The following ABHD2 variants were observed in gnomAD, a reference collection of about 807,000 sequenced individuals.
ABHD2 encodes the protein abhydrolase domain containing 2, acylglycerol lipase.
ABHD2 carries 20 observed loss-of-function variants against 48.1 expected under a neutral mutation model. That is an observed-to-expected ratio of 0.42 (90% CI 0.29 to 0.60). ABHD2 has a LOEUF of 0.60. Among genes scored for constraint, ABHD2 ranks in the 20% least tolerant of loss-of-function variants. The pLI, the probability that ABHD2 is intolerant of heterozygous loss-of-function variation, is 0.24. For synonymous variants in ABHD2, 209 were observed against 214.2 expected, an observed-to-expected ratio of 0.98 and a Z score of 0.21; for missense variants, 405 against 550.9, an observed-to-expected ratio of 0.74 and a Z score of 2.65.
At chr15:89,084,383 G>A (rs1180343675), upstream of ABHD2, among the ~76,000 whole-genome samples, 5 of 151,982 alleles carry the variant, frequency 3.3e-5, no homozygotes, top group African/African-American at 7.3e-5. The surrounding 1 kb of genome is among the most constrained non-coding windows in gnomAD (Gnocchi z 4.4). Flanking sequence ...CACTGCATCC[G>A]CCGCCTCCTA....
intron 4 of ABHD2, among the ~76,000 whole-genome samples, chr15:89,152,560 GC>G (rs1474671500): frequency 6.6e-6 from 1 of 152,174 alleles, no homozygotes; most frequent in African/African-American, 2.4e-5. Flanking sequence ...GCGCTGTGAG[GC>G]TGGTATTTAC....
At chr15:89,141,165 A>G (rs942970707) in intron 3 of ABHD2, among the ~76,000 whole-genome samples, 4 of 151,620 alleles carry the variant, frequency 2.6e-5, no homozygotes, top group African/African-American at 7.3e-5. Context: ...ATTTTTTGGT[A>G]TAGATGAGGT....
the ABHD2 span, among the ~76,000 whole-genome samples, chr15:89,042,816 TTTTTTTTC>T: frequency 1.3e-5 from 2 of 151,668 alleles, no homozygotes; most frequent in African/African-American, 4.8e-5. Flanking sequence ...CTGGCTAATT[TTTTTTTTC>T]TTTTTTTCTT....
the ABHD2 span, among the ~76,000 whole-genome samples, chr15:89,066,133 T>G: frequency 6.6e-6 from 1 of 152,128 alleles, no homozygotes; most frequent in South Asian, 2.1e-4. Flanking sequence ...TATTTAGGAT[T>G]TTTTCCCTGA....
At chr15:89,127,678 GA>G (rs1426324819) in intron 3 of ABHD2, among the ~76,000 whole-genome samples, 1 of 140,252 alleles carries the variant, frequency 7.1e-6, no homozygotes, top group Non-Finnish European at 1.5e-5. Flanking sequence ...AATAAAGGAA[GA>G]TTCTTCTCAG....
chr15:89,091,911 G>A lies in ABHD2; in HGVS notation c.-107+3348G>A, dbSNP rs908604686. Among the ~76,000 whole-genome samples the A allele has an allele frequency of 2.6e-5, 4 of 152,208 alleles. No homozygotes were observed. The highest frequency in any genetic ancestry group is 5.9e-5 in the Non-Finnish European group (4 of 68,046). On this transcript the variant is annotated intron_variant, in intron 1 of 10. Coordinates refer to ENST00000352732, the MANE Select transcript of ABHD2 (RefSeq NM_152924.5). The surrounding 1 kb of genome is among the most constrained non-coding windows in gnomAD (Gnocchi z 5.5). ...GGAACAGAGCAATGAGAAGTTCAGGGTGCCTCTTAAATGTGTCTGGTGTCA... is the reference window on the plus strand; with the variant it reads ...GGAACAGAGCAATGAGAAGTTCAGGATGCCTCTTAAATGTGTCTGGTGTCA...
chr15:89,078,114 T>C, the ABHD2 span, among the ~76,000 whole-genome samples: 4 of 152,334 alleles, frequency 2.6e-5, no homozygotes, highest in East Asian at 7.7e-4. Flanking sequence ...ACCCCATATT[T>C]AATCTGTGGG....
chr15:89,058,122 A>G, the ABHD2 span, among the ~76,000 whole-genome samples: 1 of 152,204 alleles, frequency 6.6e-6, no homozygotes, highest in Non-Finnish European at 1.5e-5. Flanking sequence ...GCCTTGAGGT[A>G]GATACCTTCA....
chr15:89,074,925 C>T, the ABHD2 span, among the ~76,000 whole-genome samples: 4 of 152,126 alleles, frequency 2.6e-5, no homozygotes, highest in Non-Finnish European at 4.4e-5. Flanking sequence ...TGGCCTACAG[C>T]GGTACCAATT....
rs1567118005 is a variant in ABHD2 at position 89,198,853 on chromosome 15, G to A, written c.*3430G>A. The A allele has an allele frequency of 1.3e-5, 2 of 152,352 alleles. No individual in the cohort carries two copies. Among genetic ancestry groups the A allele is most frequent in the East Asian group, 3.9e-4 (2 of 5,172 alleles). 9.4% of individuals were successfully genotyped at this position (152,352 alleles called of 1,614,324 possible). A position where few individuals can be genotyped will look rare whatever the true frequency, so the allele number is the denominator to read the frequency against. ...GGGGCTTCTGCATTAAGCTTTCCTG[G>A]TGAAGACCCTTGATCTTGTCCAAAG... On this transcript the variant is annotated 3_prime_UTR_variant, in exon 11 of 11. Transcript: ENST00000352732. The surrounding 1 kb of genome is among the most constrained non-coding windows in gnomAD (Gnocchi z 5.1).
chr15:89,151,803 C>T lies in ABHD2; in HGVS notation c.321C>T (p.Ala107=), dbSNP rs1316917850. The part of the protein sequence containing the change: ...HRKFITMSDG[A]TSTFDLFEPL... ...AGTTCATCACTATGTCTGATGGAGC[C>T]ACTTCTACATTCGACCTCTTCGAGC... is the stretch of plus-strand genomic sequence containing the variant. The change falls in exon 4 of 11, where the codon GCC becomes GCT. Residue 107 remains alanine, a synonymous_variant. Transcript: ENST00000352732. The surrounding 1 kb of genome is among the most constrained non-coding windows in gnomAD (Gnocchi z 4.7). 2 of 1,614,080 alleles carry T rather than the reference C, an allele frequency of 1.2e-6. No homozygotes were observed. The highest frequency in any genetic ancestry group is 1.6e-4 in the Middle Eastern group (1 of 6,084).
rs1156531015 is a variant in ABHD2, at chr15:89,201,822, AGGGGGC to A, written c.*6402_*6407del. 12 of 1,245,588 alleles carry A rather than the reference AGGGGGC, an allele frequency of 9.6e-6. No homozygotes were observed. The highest frequency in any genetic ancestry group is 1.4e-5 in the Non-Finnish European group (12 of 860,996). 77.2% of individuals were successfully genotyped at this position (1,245,588 alleles called of 1,614,324 possible). On this transcript the variant is annotated 3_prime_UTR_variant, in exon 11 of 11. Transcript: ENST00000352732. Reference sequence around the variant, plus strand: ...CGCCATTGGAGAGACAGCGCAGAGCAGGGGGCGGCTTGCTCGCTGGGGGCGGGGGAC... The same window carrying A: ...CGCCATTGGAGAGACAGCGCAGAGCAGGCTTGCTCGCTGGGGGCGGGGGAC...
At chr15:89,129,669 C>G (rs972121545) in intron 3 of ABHD2, among the ~76,000 whole-genome samples, 1 of 152,052 alleles carries the variant, frequency 6.6e-6, no homozygotes, top group African/African-American at 2.4e-5. Flanking sequence ...GCAGTGAGAC[C>G]CACCTGGGCT....
In ABHD2 at chr15:89,185,318, C is replaced by T. The variant is rs922309430; in HGVS notation, c.723-106C>T. The T allele has an allele frequency of 3.9e-6, 3 of 767,240 alleles. No homozygotes were observed. The highest frequency in any genetic ancestry group is 2.2e-6 in the Non-Finnish European group (1 of 455,328). The allele number at this position is 767,240 out of a possible 1,614,324, so 47.5% of individuals were successfully genotyped here. A position where few individuals can be genotyped will look rare whatever the true frequency, so the allele number is the denominator to read the frequency against. On this transcript the variant is annotated intron_variant, in intron 6 of 10. Coordinates refer to ENST00000352732, the MANE Select transcript of ABHD2 (RefSeq NM_152924.5). The surrounding 1 kb of genome is among the most constrained non-coding windows in gnomAD (Gnocchi z 5.9). The stretch of plus-strand genomic sequence containing the variant: ...TAATGCAGAGGCCACAGCCTGAGAG[C>T]CGGCCCTCTCCACACAAGCACCTCA...
intron 9 of ABHD2, among the ~76,000 whole-genome samples, chr15:89,191,352 T>C (rs2051301954): frequency 6.6e-6 from 1 of 152,188 alleles, no homozygotes; most frequent in Non-Finnish European, 1.5e-5. Context: ...CCCCTTAGAC[T>C]GGTGTGCTCC....
rs115405479 is a variant in ABHD2 at position 89,117,901 on chromosome 15, G to T, written c.194+1380G>T. On this transcript the variant is annotated intron_variant, in intron 3 of 10. Coordinates refer to ENST00000352732, the MANE Select transcript of ABHD2 (RefSeq NM_152924.5). ...GGGTGTACATGGGCGGTATTCTTAT[G>T]CAGTTTTCTCATAGTTGTGACAGTG... Among the ~76,000 whole-genome samples, 418 of 152,320 alleles carry T rather than the reference G, an allele frequency of 2.7e-3. 2 individuals are homozygous for T. The highest frequency in any genetic ancestry group is 0.015 in the East Asian group (78 of 5,180).
At chr15:89,127,989 C>T (rs906639706) in intron 3 of ABHD2, among the ~76,000 whole-genome samples, 2 of 152,060 alleles carry the variant, frequency 1.3e-5, no homozygotes, top group South Asian at 2.1e-4. Context: ...TAACTTTCCA[C>T]ATATGTATCT....
the ABHD2 span, among the ~76,000 whole-genome samples, chr15:89,051,421 C>G: frequency 6.6e-6 from 1 of 152,134 alleles, no homozygotes; most frequent in African/African-American, 2.4e-5. Context: ...CTCTACAACC[C>G]AGGTAAAACA....
chr15:89,201,802 T>C lies in ABHD2; in HGVS notation c.*6379T>C, dbSNP rs533978970. 238 of 1,375,268 alleles carry C rather than the reference T, an allele frequency of 1.7e-4. No homozygotes were observed. In the East Asian group the frequency reaches 3.0e-3, roughly 17 times the overall value. The allele number at this position is 1,375,268 out of a possible 1,614,324, so 85.2% of individuals were successfully genotyped here. On this transcript the variant is annotated 3_prime_UTR_variant, in exon 11 of 11. Transcript: ENST00000352732. ...GCCGTGGCCCCGGAGGCAGACGCCA[T>C]TGGAGAGACAGCGCAGAGCAGGGGG...
Sources: allele counts gnomAD v4.1 joint callset (sites outside exome capture counted in the v4.1 genomes callset), GRCh38; gene constraint gnomAD v4.1.1; non-coding constraint Gnocchi (gnomAD v3.1); transcripts MANE v1.5; gene names NCBI Gene and HGNC (gene_info 2026-07-23, HGNC 2026-07-21).